The following PACRG variants were observed in gnomAD, a reference collection of about 807,000 sequenced individuals.
The protein encoded by PACRG is parkin coregulated, also known as parkin coregulated gene protein.
A neutral mutation model predicts 29.7 loss-of-function variants in PACRG; 29 were observed. The observed-to-expected ratio is 0.98, with a 90% CI of 0.73 to 1.33. The LOEUF (loss-of-function observed/expected upper bound fraction) is 1.33, where lower values mean the gene tolerates loss of function less well. Among genes scored for constraint, PACRG ranks in the 40% most tolerant of loss-of-function variants. The probability of loss-of-function intolerance (pLI) is 0.00; values close to 1 mark genes in which losing one functional copy is unlikely to be tolerated. For synonymous variants in PACRG, 116 were observed against 118.7 expected (o/e 0.98, Z 0.15); for missense variants, 279 against 316.2 (o/e 0.88, Z 0.89).
At chr6:163,114,296 T>TACA (rs1296298037) in intron 4 of PACRG, among the ~76,000 whole-genome samples, 2 of 152,186 alleles carry the variant, frequency 1.3e-5, no homozygotes, top group Non-Finnish European at 2.9e-5. Context: ...AGGGTGCTGT[T>TACA]GCATAGGAGC....
intron 4 of PACRG, among the ~76,000 whole-genome samples, chr6:163,258,742 G>A (rs1783212627): frequency 1.5e-5 from 2 of 137,548 alleles, no homozygotes; most frequent in African/African-American, 5.5e-5. Flanking sequence ...GGGTGACAGC[G>A]AGAATCCATC....
intron 4 of PACRG, among the ~76,000 whole-genome samples, chr6:163,219,235 A>G (rs1379286081): frequency 2.0e-5 from 3 of 152,178 alleles, no homozygotes; most frequent in Non-Finnish European, 4.4e-5. Flanking sequence ...TTTCCCTCTC[A>G]GCCAATGCCA....
At chr6:163,273,404 A>C (rs1783912620) in intron 4 of PACRG, among the ~76,000 whole-genome samples, 1 of 152,104 alleles carries the variant, frequency 6.6e-6, no homozygotes, top group Non-Finnish European at 1.5e-5. Flanking sequence ...TAAGCTCTAG[A>C]AAAAGCACTT....
intron 2 of PACRG, among the ~76,000 whole-genome samples, chr6:162,937,996 T>C (rs969240176): frequency 5.3e-5 from 8 of 152,116 alleles, no homozygotes; most frequent in Admixed American, 1.3e-4. Flanking sequence ...GTGCACCCAT[T>C]ACCCAAGTAG....
intron 4 of PACRG, among the ~76,000 whole-genome samples, chr6:163,101,713 G>A (rs574783856): frequency 2.0e-5 from 3 of 152,170 alleles, no homozygotes; most frequent in Non-Finnish European, 4.4e-5. Context: ...ACCTTTCTTC[G>A]TGTACCTGCT....
chr6:163,009,844 T>C (rs994882695), intron 2 of PACRG, among the ~76,000 whole-genome samples: 1 of 152,258 alleles, frequency 6.6e-6, no homozygotes, highest in African/African-American at 2.4e-5. Flanking sequence ...ATAAGCTTTA[T>C]TGTTGTTATA....
At chr6:163,175,437 G>T (rs1035071003) in intron 4 of PACRG, among the ~76,000 whole-genome samples, 34 of 151,500 alleles carry the variant, frequency 2.2e-4, no homozygotes, top group Non-Finnish European at 4.6e-4. Flanking sequence ...GTGAAGGCTG[G>T]GGGGAGTGGT....
chr6:162,828,319 A>G (rs1409116379), intron 2 of PACRG, among the ~76,000 whole-genome samples: 1 of 152,216 alleles, frequency 6.6e-6, no homozygotes, highest in Non-Finnish European at 1.5e-5. Flanking sequence ...TGCTGAAGAA[A>G]AGTGTTTGTT....
intron 1 of PACRG, among the ~76,000 whole-genome samples, chr6:162,795,893 G>A (rs554083371): frequency 1.8e-4 from 28 of 152,036 alleles, no homozygotes; most frequent in Non-Finnish European, 3.1e-4. Flanking sequence ...CAGCACTTTT[G>A]TATATGAAAA....
intron 4 of PACRG, among the ~76,000 whole-genome samples, chr6:163,236,468 A>G (rs1782242952): frequency 6.6e-6 from 1 of 152,244 alleles, no homozygotes; most frequent in South Asian, 2.1e-4. Flanking sequence ...CACTCCATAA[A>G]TATTTGTCTA....
intron 4 of PACRG, among the ~76,000 whole-genome samples, chr6:163,142,680 A>G (rs936536466): frequency 1.3e-5 from 2 of 152,242 alleles, no homozygotes; most frequent in South Asian, 4.1e-4. Context: ...ACATGTTGTC[A>G]TATTTAAAAA....
chr6:163,112,164 A>C (rs1183535985), intron 4 of PACRG: 1 of 449,920 alleles, frequency 2.2e-6, no homozygotes, highest in Non-Finnish European at 2.9e-6. Flanking sequence ...CATTGACAGA[A>C]TCTGTCTGAT....
intron 2 of PACRG, among the ~76,000 whole-genome samples, chr6:162,889,358 GA>G (rs1415250807): frequency 6.6e-6 from 1 of 152,032 alleles, no homozygotes; most frequent in African/African-American, 2.4e-5. Context: ...TTAACAAATT[GA>G]AAACCCAGCT....
chr6:162,968,810 A>G (rs1801269403), intron 2 of PACRG, among the ~76,000 whole-genome samples: 1 of 152,106 alleles, frequency 6.6e-6, no homozygotes, highest in African/African-American at 2.4e-5. Flanking sequence ...GCACTTTGGG[A>G]GGCTGAGGTG....
intron 1 of PACRG, among the ~76,000 whole-genome samples, chr6:162,803,386 CT>C (rs1786044050): frequency 6.6e-6 from 1 of 152,044 alleles, no homozygotes; most frequent in Admixed American, 6.6e-5. Context: ...TTGCAAATGT[CT>C]TTGTGTAGTG....
At chr6:162,869,371 G>A (rs956147176) in intron 2 of PACRG, among the ~76,000 whole-genome samples, 1 of 152,134 alleles carries the variant, frequency 6.6e-6, no homozygotes, top group Non-Finnish European at 1.5e-5. Context: ...AAAAAAAGAT[G>A]TAGAGTCCAC....
At position 162,814,127 on chromosome 6, in the gene PACRG, T is replaced by A; in HGVS notation, c.157-20T>A. 3.2e-6 allele frequency: 3 copies of A among 926,586 alleles called. No individual in the cohort carries two copies. The highest frequency in any genetic ancestry group is 4.4e-6 in the Non-Finnish European group (3 of 680,006). 57.4% of individuals were successfully genotyped at this position (926,586 alleles called of 1,614,324 possible). The stretch of plus-strand genomic sequence containing the variant: ...AGTATGTCTTAAAACCTGATCCCTA[T>A]TTTTTTTTTTCCAATTAAGGTGAGA... On this transcript the variant is annotated intron_variant, in intron 1 of 4. Coordinates refer to ENST00000366888, the MANE Select transcript of PACRG (RefSeq NM_001080379.2).
chr6:163,257,204 C>T (rs942036237), intron 4 of PACRG, among the ~76,000 whole-genome samples: 4 of 151,816 alleles, frequency 2.6e-5, no homozygotes, highest in Admixed American at 6.6e-5. Flanking sequence ...AGCAGTGGGG[C>T]GCATCTTTTG....
At chr6:163,029,960 G>A (rs1313161259) in intron 2 of PACRG, among the ~76,000 whole-genome samples, 1 of 152,184 alleles carries the variant, frequency 6.6e-6, no homozygotes, top group Non-Finnish European at 1.5e-5. Context: ...GTGAACAAGA[G>A]AGGGTGAAAG....
Sources: allele counts gnomAD v4.1 joint callset (sites outside exome capture counted in the v4.1 genomes callset), GRCh38; gene constraint gnomAD v4.1.1; transcripts MANE v1.5; gene names NCBI Gene and HGNC (gene_info 2026-07-23, HGNC 2026-07-21).